Variants in ARID4B observed in about 807,000 individuals in gnomAD.
The protein encoded by ARID4B is AT-rich interactive domain-containing protein 4B.
Under a neutral mutation model 147.5 loss-of-function variants are expected in ARID4B, and 26 were observed. That is an observed-to-expected ratio of 0.18 (90% confidence interval 0.13 to 0.24). The LOEUF is 0.24. Among genes scored for constraint, ARID4B ranks in the 10% least tolerant of loss-of-function variants. ARID4B has a pLI of 1.00. For missense variants in ARID4B, 1,179 were observed against 1,511.5 expected (o/e 0.78, Z 3.65); for synonymous variants, 512 against 507.9 (o/e 1.01, Z -0.11).
intron 6 of ARID4B, among the ~76,000 whole-genome samples, chr1:235,248,501 C>A (rs1242608809): frequency 1.3e-5 from 2 of 152,116 alleles, no homozygotes; most frequent in African/African-American, 2.4e-5. Flanking sequence ...GATTCACTTT[C>A]TGTCAAGCAA....
chr1:235,253,924 G>A (rs1178253938), intron 5 of ARID4B, among the ~76,000 whole-genome samples: 1 of 152,006 alleles, frequency 6.6e-6, no homozygotes, highest in Non-Finnish European at 1.5e-5. Context: ...ATGATTAATG[G>A]TTAAAAGAAA....
In ARID4B at chr1:235,181,656, G is replaced by C; in HGVS notation, c.3263C>G (p.Ser1088Trp). Reference protein sequence around the residue: ...LQDLQSEGNSSPAGFDASVSS... With the variant: ...LQDLQSEGNSWPAGFDASVSS... ...CACACTGGCATCAAAACCTGCTGGC[G>C]AGCTATTCCCTTCAGACTGGAGGTC... is the stretch of plus-strand genomic sequence containing the variant. Residue 1088 changes from serine to tryptophan, a missense_variant, in exon 20 of 24, where the codon TCG becomes TGG. Transcript: ENST00000264183. 6.2e-7 allele frequency: 1 copy of C among 1,613,932 alleles called. No individual in the cohort carries two copies. The highest frequency in any genetic ancestry group is 1.1e-5 in the South Asian group (1 of 91,064).
intron 2 of ARID4B, among the ~76,000 whole-genome samples, chr1:235,295,592 C>A (rs1190098534): frequency 6.6e-6 from 1 of 150,794 alleles, no homozygotes; most frequent in Non-Finnish European, 1.5e-5. Flanking sequence ...CAGGCGGATC[C>A]GGAGGTCAGG....
At chr1:235,180,014 G>A (rs1253901158) in intron 20 of ARID4B, 3 of 150,872 alleles carry the variant, frequency 2.0e-5, no homozygotes, top group Admixed American at 6.6e-5. Flanking sequence ...AGGTTGCAGT[G>A]AGCCCAGATC....
At chr1:235,234,712 T>C (rs942730118) in intron 8 of ARID4B, among the ~76,000 whole-genome samples, 19 of 152,108 alleles carry the variant, frequency 1.2e-4, no homozygotes, top group African/African-American at 3.4e-4. Context: ...ATTTTTGGCA[T>C]AGGCAAGGCA....
intron 2 of ARID4B, among the ~76,000 whole-genome samples, chr1:235,276,937 T>C (rs1383689470): frequency 3.4e-5 from 5 of 146,652 alleles, no homozygotes; most frequent in Admixed American, 1.4e-4. Flanking sequence ...GAGGTGGAGA[T>C]TGCAGTGAGT....
At chr1:235,265,930 G>A (rs758481746) in intron 2 of ARID4B, among the ~76,000 whole-genome samples, 18 of 151,966 alleles carry the variant, frequency 1.2e-4, no homozygotes, top group Non-Finnish European at 2.5e-4. Flanking sequence ...TACAACCTGG[G>A]AGGCAATTGT....
chr1:235,201,352 TAC>T (rs1013783150), intron 17 of ARID4B, among the ~76,000 whole-genome samples: 1 of 151,832 alleles, frequency 6.6e-6, no homozygotes, highest in Non-Finnish European at 1.5e-5. Flanking sequence ...TTCTTCTTCA[TAC>T]AGAGTCTCTG....
At chr1:235,259,686 T>C (rs1670183226) in intron 3 of ARID4B, among the ~76,000 whole-genome samples, 2 of 152,180 alleles carry the variant, frequency 1.3e-5, no homozygotes, top group South Asian at 4.1e-4. Context: ...GTAGTTAATT[T>C]AAAGGACTTA....
chr1:235,192,585 A>G (rs1665188232), intron 19 of ARID4B, among the ~76,000 whole-genome samples: 1 of 152,246 alleles, frequency 6.6e-6, no homozygotes, highest in African/African-American at 2.4e-5. Context: ...CATCTACAAT[A>G]AGAAACAAAA....
At chr1:235,190,326 C>A (rs1215617852) in intron 19 of ARID4B, among the ~76,000 whole-genome samples, 1 of 151,832 alleles carries the variant, frequency 6.6e-6, no homozygotes, top group African/African-American at 2.4e-5. Context: ...CAGGCCCCTG[C>A]AATCCCACCT....
chr1:235,210,359 C>T (rs1553291607), intron 17 of ARID4B, among the ~76,000 whole-genome samples: 1 of 151,968 alleles, frequency 6.6e-6, no homozygotes, highest in South Asian at 2.1e-4. Context: ...TGAACCTCCA[C>T]GCATAAATCT....
chr1:235,312,146 C>T (rs934950885), intron 2 of ARID4B, among the ~76,000 whole-genome samples: 1 of 151,598 alleles, frequency 6.6e-6, no homozygotes, highest in African/African-American at 2.4e-5. Context: ...ATTAGCTGGG[C>T]GTGGTGGCGC....
rs751775087 is a variant in ARID4B, at chr1:235,273,582, A to G, written c.7-12830T>C. Among the ~76,000 whole-genome samples the G allele has an allele frequency of 3.5e-4, 53 of 152,216 alleles. 1 individual carries two copies. Among genetic ancestry groups the G allele is most frequent in the Admixed American group, 3.4e-3 (52 of 15,272 alleles). ...ATTTCAGAGATGTTAAAATGTAGAA[A>G]ATGTATACTTGTACCTGATAAAATG... On this transcript the variant is annotated intron_variant, in intron 2 of 23. Coordinates refer to ENST00000264183, the MANE Select transcript of ARID4B (RefSeq NM_016374.6).
intron 14 of ARID4B, among the ~76,000 whole-genome samples, chr1:235,220,793 AT>A (rs1667412665): frequency 6.6e-6 from 1 of 152,100 alleles, no homozygotes; most frequent in Non-Finnish European, 1.5e-5. Context: ...AATAGCATCT[AT>A]TTTTTGCACA....
intron 2 of ARID4B, among the ~76,000 whole-genome samples, chr1:235,269,163 T>C (rs1026197709): frequency 3.3e-5 from 5 of 152,304 alleles, no homozygotes; most frequent in South Asian, 2.1e-4. Flanking sequence ...TGAGTCCATA[T>C]TGACAAGAAT....
intron 18 of ARID4B, among the ~76,000 whole-genome samples, chr1:235,194,570 C>T (rs1192903212): frequency 1.3e-5 from 2 of 152,128 alleles, no homozygotes; most frequent in Non-Finnish European, 2.9e-5. Context: ...CCTGTAATCC[C>T]AGCACTTTGG....
intron 14 of ARID4B, among the ~76,000 whole-genome samples, chr1:235,220,964 C>A (rs991015103): frequency 6.6e-6 from 1 of 152,038 alleles, no homozygotes; most frequent in African/African-American, 2.4e-5. Context: ...GTGGCGCAAT[C>A]TCAGCTCACT....
intron 17 of ARID4B, among the ~76,000 whole-genome samples, chr1:235,201,062 T>C (rs1052738354): frequency 6.6e-6 from 1 of 152,036 alleles, no homozygotes; most frequent in African/African-American, 2.4e-5. Flanking sequence ...GGAGAATCAC[T>C]TGAACCCAGG....
Sources: allele counts gnomAD v4.1 joint callset (sites outside exome capture counted in the v4.1 genomes callset), GRCh38; gene constraint gnomAD v4.1.1; transcripts MANE v1.5; gene names NCBI Gene and HGNC (gene_info 2026-07-23, HGNC 2026-07-21).